The following SIK3 variants were observed in gnomAD, a reference collection of about 807,000 sequenced individuals.
The protein encoded by SIK3 is SIK family kinase 3.
SIK3 carries 28 observed loss-of-function variants against 144.2 expected under a neutral mutation model. The observed-to-expected ratio is 0.19, with a 90% CI of 0.14 to 0.27. SIK3 has a LOEUF of 0.27. Ranked by LOEUF, SIK3 falls within the 10% of genes least tolerant of loss-of-function variation. The pLI is 1.00. For missense variants in SIK3, 1,319 were observed against 1,776.0 expected, an observed-to-expected ratio of 0.74 and a Z score of 4.62; for synonymous variants, 686 against 676.3, an observed-to-expected ratio of 1.01 and a Z score of -0.22.
At chr11:116,870,264 G>T in intron 14 of SIK3, 67 bp downstream of exon 14, 1 of 1,603,562 alleles carries the variant, frequency 6.2e-7, no homozygotes, top group South Asian at 1.1e-5. Flanking sequence ...GGGCAGAGGT[G>T]ACCTTTCGCT....
At chr11:117,026,445 GGTT>G (rs1952014560) in intron 1 of SIK3, among the ~76,000 whole-genome samples, 1 of 152,108 alleles carries the variant, frequency 6.6e-6, no homozygotes. Context: ...TATCATGAAT[GGTT>G]GTTAAGGCAC....
chr11:116,844,245 A>G lies in SIK3; in HGVS notation c.*1398T>C, dbSNP rs1251505117. On this transcript the variant is annotated 3_prime_UTR_variant, in exon 25 of 25. Coordinates refer to ENST00000445177, the MANE Select transcript of SIK3 (RefSeq NM_001366686.3). ...CGTATGCACTGCTTCAACTGGGGAA[A>G]GGAGACCACTGCATCTGTCACTGGC... 1 of 152,186 alleles carries G rather than the reference A, an allele frequency of 6.6e-6. No individual in the cohort carries two copies. The highest frequency in any genetic ancestry group is 2.4e-5 in the African/African-American group (1 of 41,444). The allele number at this position is 152,186 out of a possible 1,614,324, so 9.4% of individuals were successfully genotyped here. A position where few individuals can be genotyped will look rare whatever the true frequency, so the allele number is the denominator to read the frequency against.
chr11:116,992,967 AG>A (rs1226204050), intron 1 of SIK3, among the ~76,000 whole-genome samples: 1 of 152,224 alleles, frequency 6.6e-6, no homozygotes, highest in Non-Finnish European at 1.5e-5. Context: ...CCTGGGTGAC[AG>A]AGTGAGATTC....
At chr11:116,887,548 C>T (rs764264108) in intron 6 of SIK3, among the ~76,000 whole-genome samples, 2 of 149,692 alleles carry the variant, frequency 1.3e-5, no homozygotes, top group African/African-American at 2.5e-5. Context: ...ACCCAGGAGG[C>T]GGAAGTTGCC....
intron 1 of SIK3, among the ~76,000 whole-genome samples, chr11:117,056,229 C>G (rs1450670006): frequency 6.6e-6 from 1 of 152,134 alleles, no homozygotes; most frequent in African/African-American, 2.4e-5. Context: ...TTTGTAGGGA[C>G]ATGGATGAAA....
chr11:116,989,088 G>GA (rs1231892815), intron 1 of SIK3, among the ~76,000 whole-genome samples: 5 of 151,892 alleles, frequency 3.3e-5, no homozygotes, highest in Non-Finnish European at 5.9e-5. Context: ...AACACAGATG[G>GA]AAAAAAACAT....
chr11:117,094,030 C>T (rs968951901), intron 1 of SIK3, among the ~76,000 whole-genome samples: 3 of 152,132 alleles, frequency 2.0e-5, no homozygotes, highest in African/African-American at 7.2e-5. Flanking sequence ...TTTACATACA[C>T]TATCTTCTTT....
At chr11:116,991,670 T>G (rs1347668679) in intron 1 of SIK3, among the ~76,000 whole-genome samples, 1 of 152,212 alleles carries the variant, frequency 6.6e-6, no homozygotes, top group Non-Finnish European at 1.5e-5. Context: ...AATGATAAAG[T>G]AAGTGAAACT....
Position 116,984,196 on chromosome 11 carries a change from G to T in SIK3, c.274-27132C>A, listed in dbSNP as rs1020686541. Reference sequence around the variant, plus strand: ...ATCTCCCCACCACACTGAAAGTGATGGCTACAAATTACCATATTCCCAAAA... The same window carrying T: ...ATCTCCCCACCACACTGAAAGTGATTGCTACAAATTACCATATTCCCAAAA... On this transcript the variant is annotated intron_variant, in intron 1 of 24. Coordinates refer to ENST00000445177, the MANE Select transcript of SIK3 (RefSeq NM_001366686.3). Among the ~76,000 whole-genome samples the T allele has an allele frequency of 2.0e-5, 3 of 152,142 alleles. No homozygotes were observed. The South Asian group carries it at 6.2e-4, about 32-fold the overall frequency.
At chr11:116,997,596 T>C (rs1300487936) in intron 1 of SIK3, among the ~76,000 whole-genome samples, 1 of 152,174 alleles carries the variant, frequency 6.6e-6, no homozygotes, top group African/African-American at 2.4e-5. Context: ...TCAGAAAAAG[T>C]TTATGGTAGC....
In SIK3 at chr11:117,098,126, G is replaced by A. The variant is rs1431425433; in HGVS notation, c.273+17C>T. On this transcript the variant is annotated intron_variant, in intron 1 of 24. Transcript: ENST00000445177. ...CCCCGCCACGCTCCGACTGCCGCCT[G>A]GCCCCTGCGCCGGTACCTTGGCCTT... 2.5e-5 allele frequency: 36 copies of A among 1,458,926 alleles called. No homozygotes were observed. The highest frequency in any genetic ancestry group is 3.1e-5 in the Non-Finnish European group (34 of 1,102,052). The allele number at this position is 1,458,926 out of a possible 1,614,324, so 90.4% of individuals were successfully genotyped here.
intron 3 of SIK3, among the ~76,000 whole-genome samples, chr11:116,949,374 A>T (rs1356608712): frequency 1.3e-5 from 2 of 152,228 alleles, no homozygotes; most frequent in Non-Finnish European, 2.9e-5. Flanking sequence ...GACCATACTC[A>T]GCCGTTAAAC....
At chr11:117,081,167 T>G (rs1025398253) in intron 1 of SIK3, among the ~76,000 whole-genome samples, 2 of 152,040 alleles carry the variant, frequency 1.3e-5, no homozygotes, top group Non-Finnish European at 2.9e-5. Context: ...AAAAAAAATT[T>G]TTACCATGTG....
chr11:116,963,695 T>G (rs1949427590), intron 1 of SIK3, among the ~76,000 whole-genome samples: 1 of 152,182 alleles, frequency 6.6e-6, no homozygotes, highest in African/African-American at 2.4e-5. Context: ...TTGACTTCTC[T>G]TCAATGCATC....
intron 21 of SIK3, among the ~76,000 whole-genome samples, chr11:116,856,196 CAAAAAA>C (rs780021390): frequency 4.3e-5 from 5 of 115,650 alleles, no homozygotes; most frequent in Non-Finnish European, 4.9e-5. Context: ...GACTCCGTCT[CAAAAAA>C]AAAAAAAAAA....
At chr11:117,013,967 C>CTT (rs1951406146) in intron 1 of SIK3, among the ~76,000 whole-genome samples, 1 of 7,368 alleles carries the variant, frequency 1.4e-4, no homozygotes, top group Non-Finnish European at 3.3e-4. Context: ...TTCTTTTTTT[C>CTT]TTTTCTTTTT....
At position 117,098,420 on chromosome 11, in the gene SIK3, T is replaced by C. The variant is rs1037146688; in HGVS notation, c.-5A>G. 1.2e-4 allele frequency: 137 copies of C among 1,146,872 alleles called. No individual in the cohort carries two copies. Among genetic ancestry groups the C allele is most frequent in the Non-Finnish European group, 1.4e-4 (128 of 934,262 alleles). The allele number at this position is 1,146,872 out of a possible 1,614,324, so 71.0% of individuals were successfully genotyped here. A position where few individuals can be genotyped will look rare whatever the true frequency, so the allele number is the denominator to read the frequency against. On this transcript the variant is annotated 5_prime_UTR_variant, in exon 1 of 25. Transcript: ENST00000445177. ...GCTCGCCGCCGCCGCCGCCATCTTG[T>C]TGTGCAGTGAAACCTCCGGGGCCGC...
chr11:117,097,485 A>G (rs563640060), intron 1 of SIK3, among the ~76,000 whole-genome samples: 1 of 138,666 alleles, frequency 7.2e-6, no homozygotes, highest in Non-Finnish European at 1.5e-5. Context: ...TGGACAAGCA[A>G]AGCAATTTCC....
chr11:116,966,229 CA>C (rs889694291), intron 1 of SIK3, among the ~76,000 whole-genome samples: 35 of 151,848 alleles, frequency 2.3e-4, no homozygotes, highest in Non-Finnish European at 1.8e-4. Flanking sequence ...CCCAACTCTA[CA>C]AAAAATTTTT....
Sources: allele counts gnomAD v4.1 joint callset (sites outside exome capture counted in the v4.1 genomes callset), GRCh38; gene constraint gnomAD v4.1.1; transcripts MANE v1.5; gene names NCBI Gene and HGNC (gene_info 2026-07-23, HGNC 2026-07-21).